The following CEP128 variants were observed in gnomAD, a reference collection of about 807,000 sequenced individuals.
CEP128 encodes centrosomal protein 128, also known as centrosomal protein 128kDa.
CEP128 carries 132 observed loss-of-function variants against 156.7 expected under a neutral mutation model. The ratio of observed to expected loss-of-function variants is 0.84; its 90% CI spans 0.73 to 0.97. The LOEUF is 0.97. CEP128 is among the 50% of genes least tolerant of loss of function. The pLI, the probability that CEP128 is intolerant of heterozygous loss-of-function variation, is 0.00. For synonymous variants in CEP128, 469 were observed against 448.9 expected (o/e 1.04, Z -0.57); for missense variants, 1,252 against 1,281.9 (o/e 0.98, Z 0.36).
intron 21 of CEP128, among the ~76,000 whole-genome samples, chr14:80,532,521 G>A (rs1478273892): frequency 1.3e-5 from 2 of 152,124 alleles, no homozygotes; most frequent in East Asian, 1.9e-4. Flanking sequence ...TGTCTTTCAC[G>A]GGGTTCAGGG....
chr14:80,688,572 T>A (rs535460774), intron 19 of CEP128, among the ~76,000 whole-genome samples: 1 of 152,296 alleles, frequency 6.6e-6, no homozygotes, highest in South Asian at 2.1e-4. Flanking sequence ...AATTTTCATG[T>A]TTGTTGCATA....
chr14:80,841,767 A>G (rs1886359252), intron 9 of CEP128, among the ~76,000 whole-genome samples: 1 of 152,008 alleles, frequency 6.6e-6, no homozygotes, highest in African/African-American at 2.4e-5. Context: ...CTGCCTCTTA[A>G]CAACTGAGGG....
At chr14:80,774,606 CAT>C (rs1380576292) in intron 16 of CEP128, among the ~76,000 whole-genome samples, 1 of 151,412 alleles carries the variant, frequency 6.6e-6, no homozygotes, top group African/African-American at 2.4e-5. Flanking sequence ...TACATATATA[CAT>C]ATGTGTGTGT....
chr14:80,510,297 A>G (rs899127159), intron 23 of CEP128, among the ~76,000 whole-genome samples: 1 of 152,052 alleles, frequency 6.6e-6, no homozygotes, highest in African/African-American at 2.4e-5. Context: ...TCAATTTCTT[A>G]TATCAATGTT....
intron 19 of CEP128, among the ~76,000 whole-genome samples, chr14:80,729,061 GTGTGTGTGTGTGTGTGTGTGTGTGTGTGT>G (rs1898148933): frequency 3.8e-5 from 1 of 26,236 alleles, no homozygotes; most frequent in Non-Finnish European, 9.0e-5. Context: ...TGGTGGGGGT[GTGTGTGTGTGTGTGTGTGTGTGTGTGTGT>G]GTGTGTGTGT....
intron 23 of CEP128, among the ~76,000 whole-genome samples, chr14:80,521,211 A>C (rs1888732166): frequency 6.6e-6 from 1 of 152,120 alleles, no homozygotes; most frequent in South Asian, 2.1e-4. Context: ...AAAACTAATA[A>C]ATTTAATTGG....
intron 18 of CEP128, among the ~76,000 whole-genome samples, chr14:80,745,185 G>C (rs1471361693): frequency 6.6e-6 from 1 of 151,992 alleles, no homozygotes; most frequent in Non-Finnish European, 1.5e-5. Context: ...GTCGTTTAAA[G>C]GTGTGTAGCA....
At chr14:80,832,806 T>C (rs1885876367) in intron 12 of CEP128, among the ~76,000 whole-genome samples, 1 of 152,188 alleles carries the variant, frequency 6.6e-6, no homozygotes, top group Non-Finnish European at 1.5e-5. Flanking sequence ...TCTCATATGT[T>C]ACAAGGGTGG....
rs377533012 is a variant in CEP128, at chr14:80,828,403, G to A, written c.1209+2740C>T. 1.7e-4 allele frequency among the ~76,000 whole-genome samples: 26 copies of A among 152,226 alleles called. No individual in the cohort carries two copies. The East Asian group carries it at 4.3e-3, about 25-fold the overall frequency. Reference sequence around the variant, plus strand: ...CTCCCAAAGTGCTGGGATTACAGGCGTGAGCCACTGTGCCTGGCCCCACTT... The same window carrying A: ...CTCCCAAAGTGCTGGGATTACAGGCATGAGCCACTGTGCCTGGCCCCACTT... On this transcript the variant is annotated intron_variant, in intron 13 of 24. Transcript: ENST00000555265.
chr14:80,591,332 A>G (rs561178840), intron 19 of CEP128, among the ~76,000 whole-genome samples: 37 of 152,230 alleles, frequency 2.4e-4, no homozygotes, highest in Non-Finnish European at 5.1e-4. Context: ...GCAAATGGAA[A>G]GAAAAAAAAA....
At chr14:80,559,058 G>A (rs575836973) in intron 21 of CEP128, among the ~76,000 whole-genome samples, 1 of 152,288 alleles carries the variant, frequency 6.6e-6, no homozygotes, top group East Asian at 1.9e-4. Context: ...ACTGAGAGAT[G>A]TGACCACTTA....
intron 19 of CEP128, among the ~76,000 whole-genome samples, chr14:80,725,097 T>C (rs1897970693): frequency 6.7e-6 from 1 of 149,574 alleles, no homozygotes; most frequent in African/African-American, 2.4e-5. Context: ...ACCATGGGTG[T>C]CTTATTTCTC....
At chr14:80,565,526 T>C (rs929095651) in intron 20 of CEP128, among the ~76,000 whole-genome samples, 7 of 152,184 alleles carry the variant, frequency 4.6e-5, no homozygotes, top group African/African-American at 9.6e-5. Context: ...TCTTGATAAA[T>C]AGGCTCTATC....
At chr14:80,610,180 GT>G (rs1385527546) in intron 19 of CEP128, among the ~76,000 whole-genome samples, 1 of 152,016 alleles carries the variant, frequency 6.6e-6, no homozygotes, top group Non-Finnish European at 1.5e-5. Context: ...CCAAATAAAT[GT>G]CTATTGGTCA....
chr14:80,859,562 TAA>T (rs549525688), intron 9 of CEP128, among the ~76,000 whole-genome samples: 2,175 of 151,620 alleles, frequency 0.014, 57 homozygotes, highest in African/African-American at 0.049. Flanking sequence ...ATAAATTAAT[TAA>T]TTTTTAAAAA....
intron 19 of CEP128, among the ~76,000 whole-genome samples, chr14:80,626,470 CAAAAAAAAAAAAAAAA>C (rs60238276): frequency 1.2e-5 from 1 of 80,684 alleles, no homozygotes; most frequent in African/African-American, 5.6e-5. Context: ...GACTCCGTCT[CAAAAAAAAAAAAAAAA>C]AAAAAAAAAG....
At chr14:80,666,219 C>T (rs1400093773) in intron 19 of CEP128, among the ~76,000 whole-genome samples, 1 of 152,270 alleles carries the variant, frequency 6.6e-6, no homozygotes, top group Middle Eastern at 3.4e-3. Context: ...TAAAGAAGGA[C>T]AAGCATAGAT....
intron 18 of CEP128, among the ~76,000 whole-genome samples, chr14:80,752,179 T>C (rs564868382): frequency 4.7e-4 from 71 of 152,270 alleles, no homozygotes; most frequent in African/African-American, 1.7e-3. Context: ...ACCCAGAATT[T>C]TGCTCCTTTA....
upstream of CEP128, among the ~76,000 whole-genome samples, chr14:80,943,347 TA>T (rs1431664068): frequency 6.6e-6 from 1 of 152,150 alleles, no homozygotes; most frequent in Non-Finnish European, 1.5e-5. Flanking sequence ...TGGAAAGACA[TA>T]AAAGAGAAAC....
Sources: allele counts gnomAD v4.1 joint callset (sites outside exome capture counted in the v4.1 genomes callset), GRCh38; gene constraint gnomAD v4.1.1; transcripts MANE v1.5; gene names NCBI Gene and HGNC (gene_info 2026-07-23, HGNC 2026-07-21).